LRBA: variants seen among roughly 807,000 people sequenced by gnomAD.
LRBA encodes the protein lipopolysaccharide-responsive and beige-like anchor protein.
In LRBA, 176 loss-of-function variants were observed where a neutral mutation model predicts 330.0. That is an observed-to-expected ratio of 0.53 (90% CI 0.47 to 0.60). The LOEUF is 0.60. LRBA is among the 20% of genes least tolerant of loss of function. LRBA has a pLI of 0.00. For missense variants in LRBA, 3,259 were observed against 3,444.8 expected (o/e 0.95, Z 1.35); for synonymous variants, 1,230 against 1,193.0 (o/e 1.03, Z -0.64).
chr4:150,274,645 CATCAGAGAATACT>C (rs1247514201), intron 56 of LRBA, among the ~76,000 whole-genome samples: 4 of 152,118 alleles, frequency 2.6e-5, no homozygotes, highest in African/African-American at 9.7e-5. Flanking sequence ...TACAAACTAC[CATCAGAGAATACT>C]ATAAACACCT....
chr4:150,577,757 A>G (rs1770729102), intron 40 of LRBA, among the ~76,000 whole-genome samples: 6 of 152,214 alleles, frequency 3.9e-5, no homozygotes, highest in Admixed American at 3.9e-4. Flanking sequence ...AGTCTCGTTA[A>G]CATGATAAAG....
chr4:150,842,888 T>G (rs1476477297), intron 28 of LRBA, among the ~76,000 whole-genome samples: 1 of 151,394 alleles, frequency 6.6e-6, no homozygotes, highest in African/African-American at 2.4e-5. Flanking sequence ...AATTTTTCAA[T>G]GGACCTGTAG....
At chr4:150,862,541 G>A (rs1044108232) in intron 22 of LRBA, among the ~76,000 whole-genome samples, 1 of 152,102 alleles carries the variant, frequency 6.6e-6, no homozygotes, top group African/African-American at 2.4e-5. Context: ...GGGTGGGGGA[G>A]AGGGAAGGGT....
chr4:150,984,713 G>T (rs186861357), intron 2 of LRBA, among the ~76,000 whole-genome samples: 134 of 151,932 alleles, frequency 8.8e-4, no homozygotes, highest in African/African-American at 2.0e-3. Context: ...AAATAAATTT[G>T]TGTGTGTGTC....
intron 47 of LRBA, among the ~76,000 whole-genome samples, chr4:150,366,660 G>A (rs1739507254): frequency 6.6e-6 from 1 of 152,184 alleles, no homozygotes; most frequent in Admixed American, 6.5e-5. Flanking sequence ...GTACCCTGCA[G>A]TGGTTTTCAA....
At chr4:150,678,565 T>C (rs181640085) in intron 37 of LRBA, among the ~76,000 whole-genome samples, 18 of 152,306 alleles carry the variant, frequency 1.2e-4, no homozygotes, top group Non-Finnish European at 8.8e-5. Flanking sequence ...ATATACCTGT[T>C]TTCTTTAACT....
At chr4:151,005,122 A>G (rs970788754) in intron 2 of LRBA, among the ~76,000 whole-genome samples, 3 of 152,128 alleles carry the variant, frequency 2.0e-5, no homozygotes, top group Non-Finnish European at 4.4e-5. Context: ...AAAATCCCAC[A>G]AAAATTTAGT....
chr4:150,418,571 A>G (rs1748117383), intron 46 of LRBA, among the ~76,000 whole-genome samples: 1 of 152,208 alleles, frequency 6.6e-6, no homozygotes, highest in Admixed American at 6.5e-5. Context: ...TTTTATGTAA[A>G]TTTTGTACAA....
chr4:150,899,760 T>A (rs976672685), intron 14 of LRBA, among the ~76,000 whole-genome samples: 2 of 152,042 alleles, frequency 1.3e-5, no homozygotes, highest in Admixed American at 1.3e-4. Context: ...AATTAAGAAT[T>A]TCTTGGCATT....
intron 47 of LRBA, among the ~76,000 whole-genome samples, chr4:150,383,777 C>T (rs1333403120): frequency 2.0e-5 from 3 of 152,066 alleles, no homozygotes; most frequent in African/African-American, 7.2e-5. Flanking sequence ...GTAGCAACTG[C>T]TAACTTCCTG....
rs146901365 is a variant in LRBA, at chr4:150,588,105, G to A, written c.6273C>T (p.Ser2091=). The A allele has an allele frequency of 2.0e-5, 32 of 1,612,422 alleles. No individual in the cohort carries two copies. The Middle Eastern group carries it at 1.5e-3, about 75-fold the overall frequency. ...VVKGTLSVTS[S]ELYFEVDEED... ...CTTCATCCACCTCAAAATAGAGTTCGGAGGAGGTGACAGAAAGAGTGCCCT... is the reference window on the plus strand; with the variant it reads ...CTTCATCCACCTCAAAATAGAGTTCAGAGGAGGTGACAGAAAGAGTGCCCT... Residue 2091 remains serine, a synonymous_variant, in exon 40 of 57, where the codon TCC becomes TCT. Coordinates refer to ENST00000651943, the MANE Select transcript of LRBA (RefSeq NM_001364905.1).
chr4:150,551,295 G>A (rs1364266720), intron 40 of LRBA, among the ~76,000 whole-genome samples: 2 of 151,926 alleles, frequency 1.3e-5, no homozygotes, highest in Non-Finnish European at 2.9e-5. Flanking sequence ...AGCAGAGAAT[G>A]GATTAAAAAA....
intron 36 of LRBA, among the ~76,000 whole-genome samples, chr4:150,693,286 G>T (rs537454208): frequency 4.6e-5 from 7 of 152,056 alleles, no homozygotes; most frequent in African/African-American, 1.7e-4. Flanking sequence ...GGCAAGGGCC[G>T]GGCGCGGTGG....
chr4:150,615,399 A>T (rs1198154454), intron 37 of LRBA, among the ~76,000 whole-genome samples: 1 of 151,982 alleles, frequency 6.6e-6, no homozygotes, highest in African/African-American at 2.4e-5. Flanking sequence ...TGTCCAGTTT[A>T]TAGGCTTTTG....
At chr4:150,927,035 G>A (rs1733951012) in intron 4 of LRBA, among the ~76,000 whole-genome samples, 1 of 149,104 alleles carries the variant, frequency 6.7e-6, no homozygotes, top group Admixed American at 6.7e-5. Flanking sequence ...CGCACCACTG[G>A]ACGTTAGCCT....
chr4:150,387,485 A>C (rs573215682), intron 47 of LRBA, among the ~76,000 whole-genome samples: 46 of 152,322 alleles, frequency 3.0e-4, no homozygotes, highest in African/African-American at 9.4e-4. Flanking sequence ...TGATTAAATA[A>C]ACCCTGTTGG....
At chr4:150,812,508 C>A (rs1202056432) in intron 31 of LRBA, among the ~76,000 whole-genome samples, 1 of 152,194 alleles carries the variant, frequency 6.6e-6, no homozygotes, top group Admixed American at 6.5e-5. Flanking sequence ...CACTTTAGCA[C>A]TGCATTTCTC....
At chr4:150,716,637 C>T (rs1028628677) in intron 36 of LRBA, among the ~76,000 whole-genome samples, 1 of 151,788 alleles carries the variant, frequency 6.6e-6, no homozygotes, top group African/African-American at 2.4e-5. Flanking sequence ...ATTTAAAAAT[C>T]GATCAATGAG....
At chr4:150,830,749 CAG>C (rs1370910971) in intron 29 of LRBA, among the ~76,000 whole-genome samples, 5 of 144,656 alleles carry the variant, frequency 3.5e-5, no homozygotes, top group African/African-American at 5.1e-5. Flanking sequence ...ACACAGAATA[CAG>C]AGTTACTTTT....
Sources: allele counts gnomAD v4.1 joint callset (sites outside exome capture counted in the v4.1 genomes callset), GRCh38; gene constraint gnomAD v4.1.1; transcripts MANE v1.5; gene names NCBI Gene and HGNC (gene_info 2026-07-23, HGNC 2026-07-21).